The following SFXN5 variants were observed in gnomAD, a reference collection of about 807,000 sequenced individuals.
SFXN5 encodes the protein sideroflexin-5.
Under a neutral mutation model 50.2 loss-of-function variants are expected in SFXN5, and 43 were observed. The ratio of observed to expected loss-of-function variants is 0.86; its 90% CI spans 0.67 to 1.11. The LOEUF (loss-of-function observed/expected upper bound fraction) is 1.11. Among genes scored for constraint, SFXN5 ranks in the 50% least tolerant of loss-of-function variants. The pLI is 0.00. For missense variants in SFXN5, 463 were observed against 454.1 expected, an observed-to-expected ratio of 1.02 and a Z score of -0.18; for synonymous variants, 203 against 185.8, an observed-to-expected ratio of 1.09 and a Z score of -0.75.
intron 1 of SFXN5, chr2:73,071,296 C>G (rs1484893082): frequency 5.1e-6 from 2 of 389,374 alleles, no homozygotes; most frequent in Non-Finnish European, 9.3e-6. Context: ...CGAAGCCGGG[C>G]GCTCGGGACC....
At position 72,945,232 on chromosome 2, in the gene SFXN5, C is replaced by G; in HGVS notation, c.946-133G>C. ...ACCCCCGTGTCCACCCCAGCCAGGG[C>G]TCACATGCCCTACCTAGTGACACAT... On this transcript the variant is annotated intron_variant, in intron 13 of 13. Transcript: ENST00000272433. The surrounding 1 kb of genome is among the most constrained non-coding windows in gnomAD (Gnocchi z 5.8). The G allele has an allele frequency of 1.3e-6, 1 of 752,364 alleles. No individual in the cohort carries two copies. The highest frequency in any genetic ancestry group is 1.7e-5 in the African/African-American group (1 of 57,246). 46.6% of individuals were successfully genotyped at this position (752,364 alleles called of 1,614,324 possible).
rs929782015 is a variant in SFXN5, at chr2:73,011,199, G to A, written c.357+9040C>T. On this transcript the variant is annotated intron_variant, in intron 6 of 13. Transcript: ENST00000272433. ...CTCCTGAGTAACTGAGACCACAGGC[G>A]CACACCACCATGCCTGGCTAATTTT... 4.6e-5 allele frequency among the ~76,000 whole-genome samples: 7 copies of A among 152,190 alleles called. No homozygotes were observed. The South Asian group carries it at 1.0e-3, about 23-fold the overall frequency.
rs1670332957 is a variant in SFXN5, at chr2:72,973,960, C to T, written c.626-2275G>A. 1.3e-5 allele frequency among the ~76,000 whole-genome samples: 2 copies of T among 152,198 alleles called. No homozygotes were observed. The highest frequency in any genetic ancestry group is 1.9e-4 in the East Asian group (1 of 5,200). ...CCACCATACCACCACCACCGCCACT[C>T]CCAGAAAGGCAAAGTTACAGGAATG... On this transcript the variant is annotated intron_variant, in intron 10 of 13. Transcript: ENST00000272433. This position sits in a 1 kb window ranked among gnomAD's most constrained non-coding sequence, Gnocchi z 5.5.
In SFXN5 at chr2:73,033,676, T is replaced by C. The variant is rs570715020; in HGVS notation, c.249+7178A>G. 5.9e-5 allele frequency among the ~76,000 whole-genome samples: 9 copies of C among 152,114 alleles called. No homozygotes were observed. In the South Asian group the frequency reaches 6.2e-4, roughly 11 times the overall value. ...ACCAGTGTGACTGCAGTGGACCAAA[T>C]AGGGGAGAGCAGTAGGAGACAAGAT... On this transcript the variant is annotated intron_variant, in intron 3 of 13. Coordinates refer to ENST00000272433, the MANE Select transcript of SFXN5 (RefSeq NM_144579.3).
At chr2:72,971,104 A>C (rs2105453821) in intron 11 of SFXN5, among the ~76,000 whole-genome samples, 1 of 152,254 alleles carries the variant, frequency 6.6e-6, no homozygotes, top group South Asian at 2.1e-4. Context: ...AAATCCCTTG[A>C]CCTCACGGCA....
At chr2:73,033,112 T>C (rs1678529430) in intron 3 of SFXN5, among the ~76,000 whole-genome samples, 1 of 152,236 alleles carries the variant, frequency 6.6e-6, no homozygotes, top group South Asian at 2.1e-4. Context: ...GCAATACGCT[T>C]AATCTTTCTG....
At chr2:73,068,239 G>C (rs931657885) in intron 1 of SFXN5, among the ~76,000 whole-genome samples, 1 of 152,186 alleles carries the variant, frequency 6.6e-6, no homozygotes, top group Admixed American at 6.5e-5. Flanking sequence ...CCCTGGCATG[G>C]GTGCTGGGAA....
chr2:73,023,316 C>T (rs1427072964), intron 3 of SFXN5, 102 bp from the exon 4 acceptor site: 13 of 1,195,078 alleles, frequency 1.1e-5, no homozygotes, highest in East Asian at 2.6e-5. Flanking sequence ...GATCCAGCTC[C>T]GAAAGCCCGA....
chr2:72,986,095 G>A (rs1220659681), intron 10 of SFXN5, among the ~76,000 whole-genome samples: 2 of 152,258 alleles, frequency 1.3e-5, no homozygotes, highest in South Asian at 4.1e-4. Context: ...TTGGGCAGCC[G>A]TGTTTGCTTT....
intron 2 of SFXN5, among the ~76,000 whole-genome samples, chr2:73,054,064 G>C (rs1396761901): frequency 2.0e-5 from 3 of 152,122 alleles, no homozygotes; most frequent in African/African-American, 7.2e-5. Flanking sequence ...CTGCCTAGAC[G>C]AGAGCCAATG....
rs574432428 is a variant in SFXN5 at position 72,986,451 on chromosome 2, G to A, written c.625+1807C>T. ...TTTACAGATGGAGAAGCAGGGCCCT[G>A]TAGATGACGATCAGGGTCAGGACCA... On this transcript the variant is annotated intron_variant, in intron 10 of 13. Transcript: ENST00000272433. 3.3e-5 allele frequency among the ~76,000 whole-genome samples: 5 copies of A among 152,270 alleles called. No individual in the cohort carries two copies. In the South Asian group the frequency reaches 6.2e-4, roughly 19 times the overall value.
chr2:72,991,573 C>G (rs1002053984), intron 9 of SFXN5, among the ~76,000 whole-genome samples: 16 of 152,220 alleles, frequency 1.1e-4, no homozygotes, highest in African/African-American at 3.6e-4. Context: ...CAGGCCCCAG[C>G]CCAGGTCTTA....
chr2:73,026,731 A>AT (rs1393376079), intron 3 of SFXN5, among the ~76,000 whole-genome samples: 1 of 151,558 alleles, frequency 6.6e-6, no homozygotes, highest in Admixed American at 6.6e-5. Flanking sequence ...TTATTTATTT[A>AT]TTATTATTAT....
intron 5 of SFXN5, among the ~76,000 whole-genome samples, chr2:73,021,182 G>C (rs912383948): frequency 2.0e-5 from 3 of 152,224 alleles, no homozygotes; most frequent in Admixed American, 1.3e-4. Context: ...CCGGGTGCAG[G>C]GACTGGGAAG....
At chr2:73,058,757 T>C (rs949796193) in intron 1 of SFXN5, among the ~76,000 whole-genome samples, 161 bp from the exon 2 acceptor site, 4 of 152,074 alleles carry the variant, frequency 2.6e-5, no homozygotes, top group Non-Finnish European at 4.4e-5. Context: ...TAAGGACAGC[T>C]TTCCTGGGGC....
At chr2:73,016,475 C>A (rs1301554155) in intron 6 of SFXN5, among the ~76,000 whole-genome samples, 1 of 152,112 alleles carries the variant, frequency 6.6e-6, no homozygotes, top group African/African-American at 2.4e-5. Flanking sequence ...GAGGCTGAGG[C>A]GAGTGGATCA....
chr2:73,062,313 T>C (rs1263485495), intron 1 of SFXN5, among the ~76,000 whole-genome samples: 2 of 152,010 alleles, frequency 1.3e-5, no homozygotes, highest in African/African-American at 4.8e-5. Context: ...CCTCAAGGCT[T>C]CTGGGTGGGG....
intron 13 of SFXN5, among the ~76,000 whole-genome samples, chr2:72,947,769 G>T (rs1324126179): frequency 6.6e-6 from 1 of 152,140 alleles, no homozygotes; most frequent in African/African-American, 2.4e-5. Context: ...GAGCCAGGCT[G>T]AGGGCCCAGG....
At position 72,950,045 on chromosome 2, in the gene SFXN5, G is replaced by A. The variant is rs1005127650; in HGVS notation, c.946-4946C>T. ...TCCAGGGCTCTGGAGCTCTGGGCAG[G>A]AGAAAGCGCCCGGGATGTGTGAGCA... On this transcript the variant is annotated intron_variant, in intron 13 of 13. Transcript: ENST00000272433. This position sits in a 1 kb window ranked among gnomAD's most constrained non-coding sequence, Gnocchi z 4.2. Among the ~76,000 whole-genome samples the A allele has an allele frequency of 3.9e-5, 6 of 152,008 alleles. No homozygotes were observed. The highest frequency in any genetic ancestry group is 8.8e-5 in the Non-Finnish European group (6 of 67,974).
Sources: gnomAD v4.1 joint callset for allele counts (sites outside exome capture counted in the v4.1 genomes callset) on GRCh38, gnomAD v4.1.1 for gene constraint, Gnocchi (gnomAD v3.1) non-coding constraint, MANE v1.5 for transcripts, NCBI Gene and HGNC (gene_info 2026-07-23, HGNC 2026-07-21) for gene names.